Variants in RFX3 observed in about 807,000 individuals in gnomAD.
The protein encoded by RFX3 is regulatory factor X3, also known as transcription factor RFX3.
In RFX3, 14 loss-of-function variants were observed where a neutral mutation model predicts 98.6. That is an observed-to-expected ratio of 0.14 (90% CI 0.09 to 0.22). RFX3 has a LOEUF of 0.22. Ranked by LOEUF, RFX3 falls within the 10% of genes least tolerant of loss-of-function variation. RFX3 has a pLI of 1.00. For missense variants in RFX3, 639 were observed against 926.9 expected (o/e 0.69, Z 4.03); for synonymous variants, 383 against 328.4 (o/e 1.17, Z -1.80).
At chr9:3,444,626 G>C (rs79222900) in intron 1 of RFX3, among the ~76,000 whole-genome samples, 4,341 of 152,154 alleles carry the variant, frequency 0.029, 221 homozygotes, top group African/African-American at 0.1. Context: ...TCAACGACTG[G>C]CAAAACTGGG....
chr9:3,308,756 C>G (rs1436749427), intron 4 of RFX3, among the ~76,000 whole-genome samples: 1 of 152,074 alleles, frequency 6.6e-6, no homozygotes, highest in Admixed American at 6.6e-5. Flanking sequence ...AGATGACCCA[C>G]CCCCATGCCA....
Position 3,276,934 on chromosome 9 carries a change from A to T in RFX3, c.973+406T>A, listed in dbSNP as rs560589477. Among the ~76,000 whole-genome samples, 23 of 152,112 alleles carry T rather than the reference A, an allele frequency of 1.5e-4. No homozygotes were observed. In the South Asian group the frequency reaches 1.7e-3, roughly 11 times the overall value. On this transcript the variant is annotated intron_variant, in intron 8 of 16. Transcript: ENST00000617270. ...TTAATTTAAATGAATAAATTACTTT[A>T]AAAAAGTTTATAAAAATTTTTTTTC...
intron 13 of RFX3, among the ~76,000 whole-genome samples, chr9:3,258,388 T>A (rs939888218): frequency 2.6e-5 from 4 of 152,142 alleles, no homozygotes; most frequent in Non-Finnish European, 5.9e-5. Context: ...AATAAATCCA[T>A]TATCTCCATC....
chr9:3,229,154 T>C (rs1563767419), intron 15 of RFX3, among the ~76,000 whole-genome samples: 1 of 152,346 alleles, frequency 6.6e-6, no homozygotes, highest in East Asian at 1.9e-4. Context: ...TTTTACCTTT[T>C]ATTATTTCAA....
chr9:3,436,393 T>C (rs117941575), intron 1 of RFX3, among the ~76,000 whole-genome samples: 112 of 152,050 alleles, frequency 7.4e-4, no homozygotes, highest in Non-Finnish European at 1.3e-3. Context: ...GAGGGAAAAA[T>C]TTTGAGTGAT....
rs1018694750 is a variant in RFX3 at position 3,392,301 on chromosome 9, G to C, written c.117+3171C>G. 1.3e-5 allele frequency among the ~76,000 whole-genome samples: 2 copies of C among 151,192 alleles called. 1 individual carries two copies. The highest frequency in any genetic ancestry group is 3.9e-4 in the East Asian group (2 of 5,138). Reference sequence around the variant, plus strand: ...CAAAACAGAACAGAGTACCTTAAAAGAAACAGACTATGTAAAGAGAAAAAA... The same window carrying C: ...CAAAACAGAACAGAGTACCTTAAAACAAACAGACTATGTAAAGAGAAAAAA... On this transcript the variant is annotated intron_variant, in intron 2 of 16. Coordinates refer to ENST00000617270, the MANE Select transcript of RFX3 (RefSeq NM_001282116.2).
At chr9:3,225,331 A>G (rs1331290042) in intron 16 of RFX3, 51 bp from the exon 17 acceptor site, 1 of 1,598,410 alleles carries the variant, frequency 6.3e-7, no homozygotes, top group East Asian at 2.2e-5. Context: ...ATTAGAAAAT[A>G]GCAATCAACA....
chr9:3,436,667 C>A (rs1388060647), intron 1 of RFX3, among the ~76,000 whole-genome samples: 2 of 151,980 alleles, frequency 1.3e-5, no homozygotes, highest in African/African-American at 4.8e-5. Context: ...AACAATCCTT[C>A]GCATGAACTA....
Position 3,442,985 on chromosome 9 carries a change from C to T in RFX3, c.-8-47389G>A, listed in dbSNP as rs537141239. Among the ~76,000 whole-genome samples, 6 of 152,176 alleles carry T rather than the reference C, an allele frequency of 3.9e-5. No individual in the cohort carries two copies. The East Asian group carries it at 5.8e-4, about 15-fold the overall frequency. On this transcript the variant is annotated intron_variant, in intron 1 of 16. Coordinates refer to ENST00000617270, the MANE Select transcript of RFX3 (RefSeq NM_001282116.2). ...GCTCTGCAAACATATATCCAATAAA[C>T]GTCTTACATCCATAAATGTAAAGAA...
At chr9:3,282,470 G>GT (rs1826034019) in intron 7 of RFX3, among the ~76,000 whole-genome samples, 1 of 151,778 alleles carries the variant, frequency 6.6e-6, no homozygotes, top group Non-Finnish European at 1.5e-5. Flanking sequence ...ACTGCAGCAG[G>GT]TAAAGGAGGA....
chr9:3,372,110 T>G (rs892150382), intron 2 of RFX3, among the ~76,000 whole-genome samples: 3 of 152,206 alleles, frequency 2.0e-5, no homozygotes, highest in African/African-American at 4.8e-5. Flanking sequence ...GCAACTGTAT[T>G]TCTTTGCCTG....
At chr9:3,228,763 T>C (rs963785465) in intron 16 of RFX3, 84 bp downstream of exon 16, 1 of 1,123,366 alleles carries the variant, frequency 8.9e-7, no homozygotes, top group African/African-American at 1.6e-5. Flanking sequence ...AATCAGAGTG[T>C]TGTAAACATA....
intron 1 of RFX3, among the ~76,000 whole-genome samples, chr9:3,499,311 T>C (rs916648728): frequency 6.6e-6 from 1 of 151,980 alleles, no homozygotes; most frequent in Non-Finnish European, 1.5e-5. Flanking sequence ...ATCCCAGAAA[T>C]CATGAAGTTG....
intron 1 of RFX3, among the ~76,000 whole-genome samples, chr9:3,516,884 G>C (rs917594482): frequency 6.6e-6 from 1 of 152,210 alleles, no homozygotes; most frequent in Non-Finnish European, 1.5e-5. Flanking sequence ...TCCGGCAGGA[G>C]CTCAAGCTGT....
intron 2 of RFX3, among the ~76,000 whole-genome samples, chr9:3,379,538 G>A (rs182620393): frequency 5.9e-5 from 9 of 152,164 alleles, no homozygotes; most frequent in Admixed American, 3.3e-4. Flanking sequence ...GAATGAAAAA[G>A]ATCATAGGCA....
chr9:3,260,821 A>AT (rs1052939262), intron 13 of RFX3, among the ~76,000 whole-genome samples: 3 of 150,538 alleles, frequency 2.0e-5, no homozygotes, highest in African/African-American at 7.3e-5. Context: ...GATAGATGAT[A>AT]TTTTTTAAAA....
At chr9:3,463,525 C>A (rs1435680252) in intron 1 of RFX3, among the ~76,000 whole-genome samples, 1 of 151,708 alleles carries the variant, frequency 6.6e-6, no homozygotes, top group African/African-American at 2.4e-5. Flanking sequence ...AAGACTTATT[C>A]TTTGAAAAGG....
At chr9:3,443,530 T>C (rs779088948) in intron 1 of RFX3, among the ~76,000 whole-genome samples, 3 of 152,224 alleles carry the variant, frequency 2.0e-5, no homozygotes, top group Non-Finnish European at 4.4e-5. Context: ...GTAAAGGACA[T>C]GATCTCATTC....
intron 15 of RFX3, among the ~76,000 whole-genome samples, chr9:3,235,316 T>C (rs1818992509): frequency 6.6e-6 from 1 of 152,054 alleles, no homozygotes. Context: ...GGGTCATCAA[T>C]GGAGAAAGGA....
Sources: allele counts gnomAD v4.1 joint callset (sites outside exome capture counted in the v4.1 genomes callset), GRCh38; gene constraint gnomAD v4.1.1; transcripts MANE v1.5; gene names NCBI Gene and HGNC (gene_info 2026-07-23, HGNC 2026-07-21).